Variants in LMLN observed in about 807,000 individuals in gnomAD.
LMLN encodes the protein leishmanolysin like peptidase, also known as leishmanolysin-like peptidase.
Under a neutral mutation model 92.3 loss-of-function variants are expected in LMLN, and 70 were observed. The observed-to-expected ratio is 0.76, with a 90% CI of 0.63 to 0.92. The LOEUF is 0.92. Among genes scored for constraint, LMLN ranks in the 40% least tolerant of loss-of-function variants. The pLI is 0.00. For synonymous variants in LMLN, 308 were observed against 296.2 expected, an observed-to-expected ratio of 1.04 and a Z score of -0.41; for missense variants, 691 against 814.6, an observed-to-expected ratio of 0.85 and a Z score of 1.85.
At chr3:197,981,081 C>T (rs955559703) in intron 6 of LMLN, among the ~76,000 whole-genome samples, 3 of 151,320 alleles carry the variant, frequency 2.0e-5, no homozygotes, top group Non-Finnish European at 4.4e-5. Flanking sequence ...CCAGCCTGGG[C>T]ACCAGAGTGA....
chr3:197,979,617 A>G (rs1447302216), intron 5 of LMLN, among the ~76,000 whole-genome samples: 4 of 152,130 alleles, frequency 2.6e-5, no homozygotes, highest in Non-Finnish European at 4.4e-5. Flanking sequence ...GGAGTTCGAG[A>G]CCAGCCTGGC....
intron 7 of LMLN, among the ~76,000 whole-genome samples, chr3:197,984,739 A>G (rs1329948294): frequency 6.6e-6 from 1 of 150,916 alleles, no homozygotes; most frequent in Non-Finnish European, 1.5e-5. Context: ...GTGAGCCACT[A>G]TATCCAGCCC....
chr3:197,990,830 G>A (rs79447348), intron 9 of LMLN, among the ~76,000 whole-genome samples, 154 bp downstream of exon 9: 9,830 of 152,192 alleles, frequency 0.065, 375 homozygotes, highest in African/African-American at 0.1. Context: ...TACGGGCCAC[G>A]AGAAATCTGA....
At chr3:197,973,469 C>T (rs6802628) in intron 1 of LMLN, among the ~76,000 whole-genome samples, 9,834 of 152,154 alleles carry the variant, frequency 0.065, 380 homozygotes, top group African/African-American at 0.1. Flanking sequence ...GTCTCAGTCT[C>T]CTGACCTTGT....
At chr3:197,976,758 A>AT (rs767799665) in intron 5 of LMLN, 43 bp downstream of exon 5, 2 of 1,000,348 alleles carry the variant, frequency 2.0e-6, no homozygotes, top group South Asian at 4.3e-5. Context: ...ACCTGAGGAG[A>AT]TTTTGAATTT....
intron 1 of LMLN, among the ~76,000 whole-genome samples, chr3:197,973,032 C>T (rs1231321766): frequency 6.6e-6 from 1 of 152,144 alleles, no homozygotes; most frequent in Non-Finnish European, 1.5e-5. Context: ...TTAGGTAGTG[C>T]TCTCAAGCCA....
intron 1 of LMLN, among the ~76,000 whole-genome samples, chr3:197,974,102 C>T (rs977227319): frequency 6.6e-6 from 1 of 152,192 alleles, no homozygotes; most frequent in Non-Finnish European, 1.5e-5. Context: ...AAGATCACTA[C>T]AAATAAGTGA....
exon 16 of LMLN, chr3:198,038,721 A>T (rs1723305695): frequency 1.4e-6 from 2 of 1,407,540 alleles, no homozygotes; most frequent in South Asian, 2.3e-5. Context: ...CTTGTGAACA[A>T]AGCACAAAGT....
At chr3:197,971,944 C>CTTTTTTTTTTTTTTTTTTTTTTTTGTTTT (rs756710031) in intron 1 of LMLN, among the ~76,000 whole-genome samples, 1 of 81,220 alleles carries the variant, frequency 1.2e-5, no homozygotes, top group Non-Finnish European at 2.4e-5. Flanking sequence ...AGTCTCTGTT[C>CTTTTTTTTTTTTTTTTTTTTTTTTGTTTT]TTTTTTTTTT....
chr3:197,963,202 T>TC lies in LMLN; in HGVS notation c.219+2762_219+2763insC, dbSNP rs936592614. ...TTTCTTCTGTTTTCTTTTCTCTCTC[T>TC]TTTTTTTTTTTGTTTTGTTTTGAGA... On this transcript the variant is annotated intron_variant, in intron 1 of 15. Coordinates refer to ENST00000330198, the Ensembl canonical transcript of LMLN. Among the ~76,000 whole-genome samples the TC allele has an allele frequency of 1.5e-4, 10 of 64,930 alleles. No individual in the cohort carries two copies. The African/African-American group carries it at 2.8e-3, about 18-fold the overall frequency. 42.6% of individuals were successfully genotyped at this position (64,930 alleles called of 152,430 possible).
chr3:197,988,081 T>TAGAAAA (rs1721762106), intron 8 of LMLN, among the ~76,000 whole-genome samples: 1 of 152,134 alleles, frequency 6.6e-6, no homozygotes, highest in Admixed American at 6.5e-5. Context: ...TCCTAGTTTA[T>TAGAAAA]CTTTTTATTT....
chr3:197,961,677 C>G (rs1720896001), intron 1 of LMLN, among the ~76,000 whole-genome samples: 1 of 152,134 alleles, frequency 6.6e-6, no homozygotes, highest in Non-Finnish European at 1.5e-5. Context: ...AACCTGGACA[C>G]GGAGTATAGC....
At chr3:198,035,932 G>T in exon 15 of LMLN, 1 of 1,613,832 alleles carries the variant, frequency 6.2e-7, no homozygotes, top group Non-Finnish European at 8.5e-7. Context: ...CCAGATGAAT[G>T]GCTGGATTCA....
chr3:198,038,422 T>C (rs1021398751), intron 15 of LMLN, 145 bp from the exon 17 acceptor site: 1 of 613,302 alleles, frequency 1.6e-6, no homozygotes, highest in African/African-American at 1.8e-5. Flanking sequence ...AACTTTTTTA[T>C]ACCTGGGTTT....
Position 197,996,175 on chromosome 3 carries a change from GA to G in LMLN, c.1049del (p.Glu350GlyfsTer12). 1 of 1,546,720 alleles carries G rather than the reference GA, an allele frequency of 6.5e-7. No homozygotes were observed. The highest frequency in any genetic ancestry group is 1.2e-5 in the South Asian group (1 of 80,320). ...TTCTGATTTTTTTTCTGGTTCTTAGGAGGAAGCACGAAAACATTTTGATTGT... is the reference window on the plus strand; with the variant it reads ...TTCTGATTTTTTTTCTGGTTCTTAGGGGAAGCACGAAAACATTTTGATTGT... On this transcript the variant is annotated frameshift_variant and splice_region_variant, in exon 10 of 16. Coordinates refer to ENST00000330198, the Ensembl canonical transcript of LMLN. LOFTEE classifies it high-confidence loss of function.
At chr3:198,024,918 G>C (rs1473371071) in intron 14 of LMLN, 130 bp downstream of exon 15, 3 of 634,122 alleles carry the variant, frequency 4.7e-6, no homozygotes, top group Non-Finnish European at 4.7e-6. Context: ...TCTTGTTTAT[G>C]TAAATATTAG....
At chr3:197,970,963 C>A (rs1721207091) in intron 1 of LMLN, among the ~76,000 whole-genome samples, 1 of 152,148 alleles carries the variant, frequency 6.6e-6, no homozygotes, top group African/African-American at 2.4e-5. Context: ...TGCTGGTGAT[C>A]AGTTTTCTCA....
At chr3:197,982,495 G>C (rs529119845) in intron 6 of LMLN, among the ~76,000 whole-genome samples, 46 of 152,178 alleles carry the variant, frequency 3.0e-4, no homozygotes, top group African/African-American at 1.1e-3. Flanking sequence ...CAAAGTGCTG[G>C]GATGACAGGC....
chr3:198,021,724 C>A, intron 13 of LMLN, 119 bp downstream of exon 14: 5 of 782,728 alleles, frequency 6.4e-6, no homozygotes, highest in Non-Finnish European at 9.9e-6. Context: ...CTTTATAGTT[C>A]AGCTGCTATC....
Sources: gnomAD v4.1 joint callset for allele counts (sites outside exome capture counted in the v4.1 genomes callset) on GRCh38, gnomAD v4.1.1 for gene constraint, MANE v1.5 for transcripts, NCBI Gene and HGNC (gene_info 2026-07-23, HGNC 2026-07-21) for gene names.